Variants in RCBTB1 observed in about 807,000 individuals in gnomAD.
RCBTB1 encodes the protein RCC1 and BTB domain containing protein 1.
RCBTB1 carries 46 observed loss-of-function variants against 62.4 expected under a neutral mutation model. The ratio of observed to expected loss-of-function variants is 0.74; its 90% CI spans 0.58 to 0.94. RCBTB1 has a LOEUF of 0.94. Among genes scored for constraint, RCBTB1 ranks in the 40% least tolerant of loss-of-function variants. The pLI is 0.00. For missense variants in RCBTB1, 565 were observed against 654.9 expected (o/e 0.86, Z 1.50); for synonymous variants, 222 against 245.8 (o/e 0.90, Z 0.91).
intron 4 of RCBTB1, among the ~76,000 whole-genome samples, chr13:49,560,723 T>C (rs1446248616): frequency 1.3e-5 from 2 of 152,166 alleles, no homozygotes; most frequent in African/African-American, 2.4e-5. Flanking sequence ...ACAGTGTGTG[T>C]GATCTCAGGA....
intron 12 of RCBTB1, among the ~76,000 whole-genome samples, 159 bp from the exon 13 acceptor site, chr13:49,534,421 T>G (rs1338022059): frequency 6.6e-6 from 1 of 151,994 alleles, no homozygotes; most frequent in Non-Finnish European, 1.5e-5. Context: ...TGACCACAGG[T>G]AGGTGTGAGA....
chr13:49,572,035 A>T (rs1963432306), intron 2 of RCBTB1, among the ~76,000 whole-genome samples: 1 of 152,214 alleles, frequency 6.6e-6, no homozygotes, highest in Admixed American at 6.5e-5. Flanking sequence ...TGACTCAAAA[A>T]TACAGGATCT....
intron 2 of RCBTB1, among the ~76,000 whole-genome samples, chr13:49,576,793 G>A (rs113720447): frequency 1.3e-5 from 2 of 152,090 alleles, no homozygotes; most frequent in African/African-American, 4.8e-5. Context: ...TTAATGTGTT[G>A]CAGCCTGAAT....
At chr13:49,551,529 T>C in intron 7 of RCBTB1, 61 bp from the exon 8 acceptor site, 1 of 1,588,884 alleles carries the variant, frequency 6.3e-7, no homozygotes, top group African/African-American at 1.3e-5. Context: ...GGAGAACATC[T>C]ACTTAAAGGC....
At chr13:49,561,920 C>T (rs1236889477) in intron 4 of RCBTB1, among the ~76,000 whole-genome samples, 1 of 144,352 alleles carries the variant, frequency 6.9e-6, no homozygotes, top group Admixed American at 6.7e-5. Flanking sequence ...AGTGAAACCC[C>T]ACATCTACTA....
Position 49,532,196 on chromosome 13 carries a change from A to AATAAAG in RCBTB1, c.*1925_*1926insCTTTAT, listed in dbSNP as rs4187. 71,944 of 151,828 alleles carry AATAAAG rather than the reference A, an allele frequency of 0.47. 17,401 individuals are homozygous for AATAAAG. The highest frequency in any genetic ancestry group is 0.58 in the Middle Eastern group (164 of 282). 9.4% of individuals were successfully genotyped at this position (151,828 alleles called of 1,614,324 possible). A position where few individuals can be genotyped will look rare whatever the true frequency, so the allele number is the denominator to read the frequency against. On this transcript the variant is annotated 3_prime_UTR_variant, in exon 13 of 13. Transcript: ENST00000378302. ...AAAATAAGAGAGTGTATTTAAAAAAAATAATCAAATGCTTTTTGAAAGACC... is the reference window on the plus strand; with the variant it reads ...AAAATAAGAGAGTGTATTTAAAAAAAATAAAGATAATCAAATGCTTTTTGAAAGACC...
At chr13:49,549,811 G>C in intron 8 of RCBTB1, 163 bp from the exon 9 acceptor site, 5 of 985,316 alleles carry the variant, frequency 5.1e-6, no homozygotes, top group Non-Finnish European at 6.0e-6. Context: ...ACAGATCAGG[G>C]CAAGAGCACT....
chr13:49,539,101 C>A (rs987157534), intron 12 of RCBTB1, among the ~76,000 whole-genome samples: 1 of 151,972 alleles, frequency 6.6e-6, no homozygotes, highest in Non-Finnish European at 1.5e-5. Context: ...AACTCCTGAT[C>A]TCAAGTGGCC....
chr13:49,541,192 T>C (rs1185576580), intron 11 of RCBTB1, among the ~76,000 whole-genome samples, 186 bp from the exon 12 acceptor site: 2 of 152,172 alleles, frequency 1.3e-5, no homozygotes, highest in Admixed American at 6.5e-5. Context: ...CTCTCCTATA[T>C]TTACTTTATA....
intron 2 of RCBTB1, among the ~76,000 whole-genome samples, chr13:49,573,734 G>A (rs1293463154): frequency 2.7e-5 from 4 of 150,486 alleles, no homozygotes; most frequent in African/African-American, 7.3e-5. Context: ...ACAGGCGTGA[G>A]CCACCGCACC....
chr13:49,569,311 C>T (rs564633270), intron 2 of RCBTB1, among the ~76,000 whole-genome samples: 61 of 152,256 alleles, frequency 4.0e-4, no homozygotes, highest in South Asian at 3.7e-3. Context: ...CAGTAGCTCA[C>T]GCCTGTAATC....
At chr13:49,580,823 C>A (rs765688931) in intron 1 of RCBTB1, among the ~76,000 whole-genome samples, 12 of 152,160 alleles carry the variant, frequency 7.9e-5, no homozygotes, top group Non-Finnish European at 1.6e-4. Flanking sequence ...CAGAACCATA[C>A]ACTATTAATT....
rs772601559 is a variant in RCBTB1, at chr13:49,540,997, T to C, written c.1334A>G (p.Asp445Gly). The change falls in exon 12 of 13, where the codon GAT (aspartate) becomes GGT (glycine). Residue 445 changes from aspartate (D) to glycine (G), a missense_variant. Coordinates refer to ENST00000378302, the MANE Select transcript of RCBTB1 (RefSeq NM_018191.4). ...GTTTTCACAGTAAGATGTCGCCAAA[T>C]CCAGAAGACCTAAAAGTAAAATATG... ...LPPEDAIGLL[D>G]LATSYCENRL... 6.2e-7 allele frequency: 1 copy of C among 1,611,628 alleles called. No homozygotes were observed. The highest frequency in any genetic ancestry group is 8.5e-7 in the Non-Finnish European group (1 of 1,179,800).
At chr13:49,580,007 C>A (rs1228393515) in intron 2 of RCBTB1, among the ~76,000 whole-genome samples, 1 of 152,146 alleles carries the variant, frequency 6.6e-6, no homozygotes, top group Non-Finnish European at 1.5e-5. Flanking sequence ...TCATTCATTT[C>A]ATCTCGTCTC....
intron 9 of RCBTB1, chr13:49,547,290 T>TTAACTCTTCCTAAGCAC: frequency 1.2e-5 from 9 of 741,968 alleles, no homozygotes; most frequent in African/African-American, 1.8e-5. Flanking sequence ...CACCCTTGCC[T>TTAACTCTTCCTAAGCAC]CCATGCCCAT....
chr13:49,582,029 A>G (rs4941648), intron 1 of RCBTB1, among the ~76,000 whole-genome samples: 126,930 of 152,316 alleles, frequency 0.83, 53,039 homozygotes, highest in East Asian at 0.89. Context: ...AGAATGTGAT[A>G]GAGTTGCAGG....
intron 7 of RCBTB1, among the ~76,000 whole-genome samples, 198 bp from the exon 8 acceptor site, chr13:49,551,666 C>T (rs549143943): frequency 7.9e-5 from 12 of 152,136 alleles, no homozygotes; most frequent in African/African-American, 2.6e-4. Context: ...TTTGGGAGGC[C>T]GAGGCAGGCA....
At chr13:49,553,753 A>G (rs1594287414) in intron 6 of RCBTB1, among the ~76,000 whole-genome samples, 1 of 152,088 alleles carries the variant, frequency 6.6e-6, no homozygotes, top group East Asian at 1.9e-4. Flanking sequence ...GCCTGGGGAG[A>G]GATGGTTAAA....
At chr13:49,574,253 A>G (rs56229283) in intron 2 of RCBTB1, among the ~76,000 whole-genome samples, 33,922 of 149,902 alleles carry the variant, frequency 0.23, 4,678 homozygotes, top group East Asian at 0.55. Context: ...TGAGTGGCTG[A>G]GATTACAGGT....
Sources: gnomAD v4.1 joint callset for allele counts (sites outside exome capture counted in the v4.1 genomes callset) on GRCh38, gnomAD v4.1.1 for gene constraint, MANE v1.5 for transcripts, NCBI Gene and HGNC (gene_info 2026-07-23, HGNC 2026-07-21) for gene names.